The following PRUNE1 variants were observed in gnomAD, a reference collection of about 807,000 sequenced individuals.
PRUNE1 encodes the protein exopolyphosphatase PRUNE1.
In PRUNE1, 25 loss-of-function variants were observed where a neutral mutation model predicts 42.5. The observed-to-expected ratio is 0.59, with a 90% CI of 0.43 to 0.82. The LOEUF is 0.82. Ranked by LOEUF, PRUNE1 falls within the 40% of genes least tolerant of loss-of-function variation. The probability of loss-of-function intolerance (pLI) is 0.00; values close to 1 mark genes in which losing one functional copy is unlikely to be tolerated. For synonymous variants in PRUNE1, 203 were observed against 217.1 expected (o/e 0.93, Z 0.57); for missense variants, 443 against 539.3 (o/e 0.82, Z 1.77).
At chr1:151,011,509 A>C (rs1673766775) in intron 1 of PRUNE1, among the ~76,000 whole-genome samples, 1 of 152,130 alleles carries the variant, frequency 6.6e-6, no homozygotes, top group African/African-American at 2.4e-5. Flanking sequence ...CTCTCCTTAG[A>C]AATTTGCAGT....
At chr1:151,012,016 G>A (rs1369897839) in intron 1 of PRUNE1, among the ~76,000 whole-genome samples, 2 of 151,868 alleles carry the variant, frequency 1.3e-5, no homozygotes, top group East Asian at 1.9e-4. Context: ...TGACCTCGTG[G>A]TCGGCCCACC....
chr1:151,029,460 T>C (rs11799858), intron 7 of PRUNE1, among the ~76,000 whole-genome samples: 11,490 of 147,696 alleles, frequency 0.078, 1,401 homozygotes, highest in African/African-American at 0.26. Flanking sequence ...CTCTGCCTCC[T>C]GGGTTAACGC....
chr1:151,029,223 A>G (rs1675075095), intron 7 of PRUNE1, among the ~76,000 whole-genome samples: 1 of 151,376 alleles, frequency 6.6e-6, no homozygotes, highest in African/African-American at 2.4e-5. Context: ...TTCAATTCCT[A>G]CTTTGAAAGA....
chr1:151,023,293 A>G (rs1487586221), intron 3 of PRUNE1, among the ~76,000 whole-genome samples: 2 of 152,204 alleles, frequency 1.3e-5, no homozygotes, highest in Non-Finnish European at 2.9e-5. Context: ...GGAATAGTCC[A>G]GACGAGAGAT....
intron 2 of PRUNE1, chr1:151,018,238 A>G: frequency 5.6e-6 from 4 of 715,598 alleles, no homozygotes; most frequent in Non-Finnish European, 1.0e-5. Flanking sequence ...TCTCTGCAGC[A>G]TTGCATCTAG....
intron 7 of PRUNE1, among the ~76,000 whole-genome samples, chr1:151,029,735 AAC>A (rs1265863404): frequency 1.8e-4 from 28 of 152,008 alleles, no homozygotes; most frequent in Non-Finnish European, 3.5e-4. Context: ...GAAAAAAAAA[AAC>A]AAAAACTCTA....
Position 151,034,569 on chromosome 1 carries a change from A to G in PRUNE1, c.*335A>G. On this transcript the variant is annotated 3_prime_UTR_variant, in exon 8 of 8. Coordinates refer to ENST00000271620, the MANE Select transcript of PRUNE1 (RefSeq NM_021222.3). ...GACCCCAAAAGTGTCCTCGGCATGG[A>G]TCTTGAACAGAACCAGTATCTGTCA... 1 of 274,260 alleles carries G rather than the reference A, an allele frequency of 3.6e-6. No homozygotes were observed. Among genetic ancestry groups the G allele is most frequent in the Non-Finnish European group, 7.0e-6 (1 of 142,082 alleles). 17.0% of individuals were successfully genotyped at this position (274,260 alleles called of 1,614,324 possible).
At chr1:151,031,849 T>G (rs766850673) in intron 7 of PRUNE1, among the ~76,000 whole-genome samples, 9 of 152,246 alleles carry the variant, frequency 5.9e-5, no homozygotes, top group Admixed American at 2.6e-4. Context: ...CTGGTTTAAC[T>G]GCCATCATCT....
At chr1:151,031,834 C>T (rs1029385272) in intron 7 of PRUNE1, among the ~76,000 whole-genome samples, 5 of 152,182 alleles carry the variant, frequency 3.3e-5, no homozygotes, top group African/African-American at 1.2e-4. Context: ...TGGGGTTCCT[C>T]GGTTCTGGTT....
Position 151,034,831 on chromosome 1 carries a change from T to C in PRUNE1, c.*597T>C, listed in dbSNP as rs1675461798. The C allele has an allele frequency of 6.4e-6, 1 of 156,838 alleles. No individual in the cohort carries two copies. The highest frequency in any genetic ancestry group is 6.1e-5 in the Admixed American group (1 of 16,516). 9.7% of individuals were successfully genotyped at this position (156,838 alleles called of 1,614,324 possible). On this transcript the variant is annotated 3_prime_UTR_variant, in exon 8 of 8. Coordinates refer to ENST00000271620, the MANE Select transcript of PRUNE1 (RefSeq NM_021222.3). Reference sequence around the variant, plus strand: ...TCTATTCTTAGCTTATTGTGACTGTTTCAGATCTAGTTTGGGAACAGATTA... The same window carrying C: ...TCTATTCTTAGCTTATTGTGACTGTCTCAGATCTAGTTTGGGAACAGATTA...
chr1:151,032,507 A>G (rs1005173247), intron 7 of PRUNE1, among the ~76,000 whole-genome samples: 2 of 152,006 alleles, frequency 1.3e-5, no homozygotes, highest in Non-Finnish European at 2.9e-5. Flanking sequence ...TGAGGGCAGG[A>G]GTTCGAGACC....
chr1:151,019,913 C>G (rs587628001), intron 3 of PRUNE1, among the ~76,000 whole-genome samples: 77 of 150,034 alleles, frequency 5.1e-4, no homozygotes, highest in African/African-American at 1.7e-3. Context: ...CTGCAACAAC[C>G]TCTGCCTCCT....
intron 6 of PRUNE1, among the ~76,000 whole-genome samples, chr1:151,027,747 A>AAT (rs1553254102): frequency 7.6e-6 from 1 of 130,866 alleles, no homozygotes. Context: ...ACACCTAACT[A>AAT]GTGTGTGTGT....
At chr1:151,029,311 C>T (rs1675082231) in intron 7 of PRUNE1, among the ~76,000 whole-genome samples, 1 of 150,860 alleles carries the variant, frequency 6.6e-6, no homozygotes, top group Non-Finnish European at 1.5e-5. Context: ...TGGCACGTGC[C>T]TGTAGTCCCA....
At chr1:151,031,902 T>G (rs1486253572) in intron 7 of PRUNE1, among the ~76,000 whole-genome samples, 1 of 152,180 alleles carries the variant, frequency 6.6e-6, no homozygotes, top group African/African-American at 2.4e-5. Context: ...TTTAGTTACT[T>G]TAATAATAAA....
intron 7 of PRUNE1, among the ~76,000 whole-genome samples, chr1:151,030,423 C>T (rs182089130): frequency 6.6e-6 from 1 of 152,220 alleles, no homozygotes; most frequent in Admixed American, 6.5e-5. Flanking sequence ...TTGCCTTCTC[C>T]CCAGGAAGCA....
At chr1:151,028,391 C>T (rs753882076) in intron 6 of PRUNE1, among the ~76,000 whole-genome samples, 10 of 152,028 alleles carry the variant, frequency 6.6e-5, no homozygotes, top group Non-Finnish European at 1.2e-4. Context: ...TGGTGCGTGC[C>T]GGCATGCCCA....
chr1:151,018,664 A>C lies in PRUNE1; in HGVS notation c.330A>C (p.Leu110Phe), dbSNP rs1363287020. Residue 110 changes from leucine (L) to phenylalanine (F), a missense_variant, in exon 3 of 8, where the codon TTA becomes TTC. By Grantham distance (22) the Leu-to-Phe change is conservative. Coordinates refer to ENST00000271620, the MANE Select transcript of PRUNE1 (RefSeq NM_021222.3). ...LTLILVDHHILSKSDTALEEA... is the reference protein window; with the variant it reads ...LTLILVDHHIFSKSDTALEEA... The stretch of plus-strand genomic sequence containing the variant: ...TCATCCTTGTCGACCATCATATCTT[A>C]TCCAAGTAAGCACAAGGAAATTAAA... The C allele has an allele frequency of 6.2e-7, 1 of 1,613,430 alleles. No individual in the cohort carries two copies. Among genetic ancestry groups the C allele is most frequent in the East Asian group, 2.2e-5 (1 of 44,900 alleles).
intron 1 of PRUNE1, among the ~76,000 whole-genome samples, chr1:151,017,050 C>T (rs972899284): frequency 2.1e-4 from 30 of 143,408 alleles, no homozygotes; most frequent in African/African-American, 7.3e-4. Flanking sequence ...ATCCCAGCTA[C>T]TTGTGAGGCT....
Sources: allele counts gnomAD v4.1 joint callset (sites outside exome capture counted in the v4.1 genomes callset), GRCh38; gene constraint gnomAD v4.1.1; transcripts MANE v1.5; gene names NCBI Gene and HGNC (gene_info 2026-07-23, HGNC 2026-07-21).